FAM135B: variants seen among roughly 807,000 people sequenced by gnomAD.
FAM135B encodes protein FAM135B.
FAM135B carries 43 observed loss-of-function variants against 127.7 expected under a neutral mutation model. The observed-to-expected ratio is 0.34, with a 90% CI of 0.26 to 0.43. FAM135B has a LOEUF of 0.43. FAM135B is among the 20% of genes least tolerant of loss of function. FAM135B has a pLI of 1.00. For missense variants in FAM135B, 1,558 were observed against 1,725.6 expected (o/e 0.90, Z 1.72); for synonymous variants, 670 against 665.1 (o/e 1.01, Z -0.11).
intron 1 of FAM135B, among the ~76,000 whole-genome samples, chr8:138,434,436 T>G (rs1835356266): frequency 6.6e-6 from 1 of 152,200 alleles, no homozygotes; most frequent in South Asian, 2.1e-4. Flanking sequence ...GTGTTCCCAT[T>G]ATTTTATAGA....
chr8:138,208,311 A>G (rs757007014), intron 7 of FAM135B, among the ~76,000 whole-genome samples: 5 of 152,228 alleles, frequency 3.3e-5, no homozygotes, highest in African/African-American at 7.2e-5. Context: ...TTTGAAAATG[A>G]TTAGACTAAA....
At chr8:138,398,266 C>A (rs1401044524) in intron 1 of FAM135B, among the ~76,000 whole-genome samples, 1 of 152,196 alleles carries the variant, frequency 6.6e-6, no homozygotes, top group East Asian at 1.9e-4. Flanking sequence ...CTCATTCAGT[C>A]TGTGCAGGTA....
At chr8:138,188,620 G>A (rs1433286630) in intron 9 of FAM135B, among the ~76,000 whole-genome samples, 1 of 152,130 alleles carries the variant, frequency 6.6e-6, no homozygotes. Context: ...GTGGTGCCTG[G>A]GGCACACAGG....
chr8:138,474,981 T>C (rs1181202872), intron 1 of FAM135B, among the ~76,000 whole-genome samples: 1 of 152,224 alleles, frequency 6.6e-6, no homozygotes, highest in Non-Finnish European at 1.5e-5. Context: ...TCCAGACCTG[T>C]CTGTGACACG....
At chr8:138,490,129 G>A (rs1433162321) in intron 1 of FAM135B, among the ~76,000 whole-genome samples, 1 of 152,196 alleles carries the variant, frequency 6.6e-6, no homozygotes, top group Non-Finnish European at 1.5e-5. Flanking sequence ...TTTGTTGACT[G>A]CCTTCATTTC....
chr8:138,350,823 C>A (rs1302461236), intron 2 of FAM135B, among the ~76,000 whole-genome samples: 1 of 152,162 alleles, frequency 6.6e-6, no homozygotes, highest in African/African-American at 2.4e-5. Flanking sequence ...ACATTTTATA[C>A]CTGTATACTT....
At chr8:138,240,499 T>G (rs1543084) in intron 7 of FAM135B, among the ~76,000 whole-genome samples, 23 of 152,326 alleles carry the variant, frequency 1.5e-4, no homozygotes, top group Middle Eastern at 6.8e-3. Context: ...CTCAGTGTCT[T>G]GCTTCTCAGC....
At chr8:138,252,373 G>A (rs1057427802) in intron 5 of FAM135B, among the ~76,000 whole-genome samples, 1 of 152,194 alleles carries the variant, frequency 6.6e-6, no homozygotes, top group Non-Finnish European at 1.5e-5. Flanking sequence ...ATTCACAGTT[G>A]TTTCTGAGTT....
intron 3 of FAM135B, among the ~76,000 whole-genome samples, chr8:138,292,606 C>T (rs1304390868): frequency 1.3e-5 from 2 of 151,974 alleles, no homozygotes; most frequent in East Asian, 1.9e-4. Context: ...ATATTCTTCA[C>T]AGAACTAGAA....
At chr8:138,420,553 G>A (rs112583159) in intron 1 of FAM135B, among the ~76,000 whole-genome samples, 67 of 151,798 alleles carry the variant, frequency 4.4e-4, no homozygotes, top group African/African-American at 1.5e-3. Context: ...AGACACAACA[G>A]AAAAAGAAAA....
intron 2 of FAM135B, among the ~76,000 whole-genome samples, chr8:138,322,151 A>T (rs1827490951): frequency 6.6e-6 from 1 of 152,184 alleles, no homozygotes; most frequent in Admixed American, 6.5e-5. Flanking sequence ...TTTATTTTTA[A>T]ATGATAGTGA....
At chr8:138,470,957 C>T (rs1449962216) in intron 1 of FAM135B, among the ~76,000 whole-genome samples, 2 of 152,220 alleles carry the variant, frequency 1.3e-5, no homozygotes, top group Non-Finnish European at 2.9e-5. Context: ...CTTAAACATT[C>T]CCTGAAATAC....
At chr8:138,421,699 T>C (rs986464625) in intron 1 of FAM135B, among the ~76,000 whole-genome samples, 9 of 152,216 alleles carry the variant, frequency 5.9e-5, no homozygotes, top group African/African-American at 2.2e-4. Context: ...ATTGTTAAAA[T>C]GTCCATACTG....
chr8:138,484,208 C>T (rs1055392270), intron 1 of FAM135B, among the ~76,000 whole-genome samples: 2 of 151,996 alleles, frequency 1.3e-5, no homozygotes, highest in African/African-American at 4.8e-5. Context: ...TATGAGGGAT[C>T]CTCAAATAAA....
At chr8:138,350,344 A>G (rs1829694623) in intron 2 of FAM135B, among the ~76,000 whole-genome samples, 1 of 152,198 alleles carries the variant, frequency 6.6e-6, no homozygotes, top group South Asian at 2.1e-4. Flanking sequence ...CAAGGCAACC[A>G]ACCATTCCAA....
intron 1 of FAM135B, among the ~76,000 whole-genome samples, chr8:138,480,810 T>A (rs1343513388): frequency 1.3e-5 from 2 of 152,210 alleles, no homozygotes; most frequent in Non-Finnish European, 2.9e-5. Context: ...AGCTTTGGAA[T>A]CAGATGCCTC....
intron 1 of FAM135B, among the ~76,000 whole-genome samples, chr8:138,455,383 G>A (rs74701592): frequency 3.3e-5 from 5 of 152,068 alleles, no homozygotes; most frequent in South Asian, 2.1e-4. Context: ...TTCCAAGTAC[G>A]TGGTCTGACA....
At chr8:138,245,385 C>A (rs1033142700) in intron 6 of FAM135B, among the ~76,000 whole-genome samples, 2 of 152,082 alleles carry the variant, frequency 1.3e-5, no homozygotes, top group Non-Finnish European at 2.9e-5. Context: ...TGGGAGGGAT[C>A]CAGTGAGAGG....
chr8:138,299,101 AAAT>A (rs910825288), intron 3 of FAM135B, among the ~76,000 whole-genome samples: 1 of 147,892 alleles, frequency 6.8e-6, no homozygotes, highest in Non-Finnish European at 1.5e-5. Context: ...ATAAATAAAT[AAAT>A]AAATAAAATA....
Sources: allele counts gnomAD v4.1 joint callset (sites outside exome capture counted in the v4.1 genomes callset), GRCh38; gene constraint gnomAD v4.1.1; transcripts MANE v1.5; gene names NCBI Gene and HGNC (gene_info 2026-07-23, HGNC 2026-07-21).